The following ZRSR2 variants were observed in gnomAD, a reference collection of about 807,000 sequenced individuals.
The protein encoded by ZRSR2 is U2 small nuclear ribonucleoprotein auxiliary factor 35 kDa subunit-related protein 2.
A neutral mutation model predicts 39.4 loss-of-function variants in ZRSR2; 3 were observed. The ratio of observed to expected loss-of-function variants is 0.08; its 90% CI spans 0.03 to 0.20. The LOEUF (loss-of-function observed/expected upper bound fraction) is 0.20, where lower values mean the gene tolerates loss of function less well. Among genes scored for constraint, ZRSR2 ranks in the 10% least tolerant of loss-of-function variants. The probability of loss-of-function intolerance (pLI) is 1.00; values close to 1 mark genes in which losing one functional copy is unlikely to be tolerated. For missense variants in ZRSR2, 256 were observed against 391.5 expected, an observed-to-expected ratio of 0.65 and a Z score of 2.92; for synonymous variants, 137 against 136.0, an observed-to-expected ratio of 1.01 and a Z score of -0.05.
chrX:15,817,202 G>A (rs112428629), intron 8 of ZRSR2, among the ~76,000 whole-genome samples: 2 of 111,700 alleles, frequency 1.8e-5, no homozygotes, highest in African/African-American at 6.5e-5. Flanking sequence ...CTTGCAACAG[G>A]CTGCACCCAC....
At chrX:15,813,574 G>A (rs775023397) in intron 7 of ZRSR2, among the ~76,000 whole-genome samples, 2 of 112,262 alleles carry the variant, frequency 1.8e-5, no homozygotes, top group South Asian at 7.4e-4. Context: ...CCCCAGACAG[G>A]GACTTTGGTT....
At chrX:15,796,503 G>A (rs1471896582) in intron 2 of ZRSR2, among the ~76,000 whole-genome samples, 3 of 87,717 alleles carry the variant, frequency 3.4e-5, no homozygotes, top group African/African-American at 1.3e-4. Flanking sequence ...TCTTCCTTCT[G>A]TACCTCATTG....
intron 1 of ZRSR2, 54 bp downstream of exon 1, chrX:15,790,590 GGATGTGGT>G: frequency 8.8e-7 from 1 of 1,140,793 alleles, no homozygotes; most frequent in Non-Finnish European, 1.2e-6. Flanking sequence ...TGGGCATGGA[GGATGTGGT>G]GGCAGGAAGA....
intron 10 of ZRSR2, among the ~76,000 whole-genome samples, chrX:15,821,862 A>C (rs763487430): frequency 1.8e-5 from 2 of 111,513 alleles, no homozygotes; most frequent in South Asian, 7.5e-4. Context: ...AGATCTCAAA[A>C]TTGTTCGAAT....
chrX:15,803,441 A>G (rs1007228331), intron 3 of ZRSR2, among the ~76,000 whole-genome samples: 1 of 111,542 alleles, frequency 9.0e-6, no homozygotes, highest in Non-Finnish European at 1.9e-5. Flanking sequence ...TGTCACAGCC[A>G]TATATACCTA....
rs188867560 is a variant in ZRSR2, at chrX:15,803,767, G to A, written c.283G>A (p.Ala95Thr). ...CAGAATAAAGAAGGAAAAGGAAGAG[G>A]CGGCTAAAAAACGGCAAGAAGAACA... The part of the protein sequence containing the change: ...EFRIKKEKEE[A>T]AKKRQEEQER... Residue 95 changes from alanine to threonine, a missense_variant, in exon 4 of 11, where the codon GCG becomes ACG. By Grantham distance (58) the Ala-to-Thr change is moderately conservative (BLOSUM62 0). Transcript: ENST00000307771. The A allele has an allele frequency of 5.3e-4, 631 of 1,193,897 alleles. 4 individuals are homozygous for A. In the East Asian group the frequency reaches 0.016, roughly 31 times the overall value.
chrX:15,820,173 C>T, intron 9 of ZRSR2, 34 bp from the exon 10 acceptor site: 1 of 1,113,139 alleles, frequency 9.0e-7, no homozygotes, highest in Non-Finnish European at 1.2e-6. Context: ...TAGGAAGTTA[C>T]TGTAAAGCAT....
At chrX:15,808,305 C>T (rs1932829731) in intron 6 of ZRSR2, 34 bp downstream of exon 6, 4 of 1,133,394 alleles carry the variant, frequency 3.5e-6, no homozygotes, top group Middle Eastern at 4.8e-4. Flanking sequence ...TAATTTGAGA[C>T]CAATTAATGT....
intron 3 of ZRSR2, among the ~76,000 whole-genome samples, chrX:15,802,103 G>A (rs1932691029): frequency 8.9e-6 from 1 of 111,936 alleles, no homozygotes; most frequent in African/African-American, 3.2e-5. Context: ...GATGCAATGT[G>A]CCAGCCTCTG....
chrX:15,823,135 C>T lies in ZRSR2; in HGVS notation c.1342C>T (p.Arg448Cys), dbSNP rs763087055. 26 of 1,204,086 alleles carry T rather than the reference C, an allele frequency of 2.2e-5. No homozygotes were observed. In the Middle Eastern group the frequency reaches 7.7e-4, roughly 36 times the overall value. Residue 448 changes from arginine to cysteine, a missense_variant, in exon 11 of 11, where the codon CGC (arginine) becomes TGC (cysteine). Around this residue, in one of 3 missense-constraint regions of ZRSR2, gnomAD observed 111 missense variants for 116.7 expected, o/e 0.95. Transcript: ENST00000307771. ...CCGGAGCCGGAGCCGGAGCCGGAGC[C>T]GCAGGAGCCGCCGCAGCCGGAGCCA... ...GSRSRSRSRS[R>C]RSRRSRSQSS...
intron 7 of ZRSR2, among the ~76,000 whole-genome samples, chrX:15,812,181 G>A (rs973993774): frequency 1.8e-5 from 2 of 111,467 alleles, no homozygotes; most frequent in Non-Finnish European, 3.8e-5. Flanking sequence ...CGCCCGCCTC[G>A]GCCTCCCAAA....
Position 15,800,601 on chromosome X carries a change from AG to A in ZRSR2, c.203+649del, listed in dbSNP as rs748459563. Among the ~76,000 whole-genome samples, 700 of 112,564 alleles carry A rather than the reference AG, an allele frequency of 6.2e-3. 6 individuals are homozygous for A. Among genetic ancestry groups the A allele is most frequent in the African/African-American group, 0.021 (661 of 31,016 alleles). ...ATAGCCACTGTTAAGAAAGAGAAAAAGAAAGTGTAAATGTACTTTACGTGTG... is the reference window on the plus strand; with the variant it reads ...ATAGCCACTGTTAAGAAAGAGAAAAAAAAGTGTAAATGTACTTTACGTGTG... On this transcript the variant is annotated intron_variant, in intron 3 of 10. Coordinates refer to ENST00000307771, the MANE Select transcript of ZRSR2 (RefSeq NM_005089.4).
chrX:15,808,981 A>T (rs752053265), intron 6 of ZRSR2, among the ~76,000 whole-genome samples: 11 of 111,769 alleles, frequency 9.8e-5, no homozygotes, highest in Non-Finnish European at 1.7e-4. Context: ...GGCAGTAGTG[A>T]TACCAGATAA....
intron 7 of ZRSR2, among the ~76,000 whole-genome samples, chrX:15,813,639 C>T (rs1260774113): frequency 8.9e-6 from 1 of 112,243 alleles, no homozygotes; most frequent in Non-Finnish European, 1.9e-5. Context: ...GGGCCAAGTT[C>T]ATTCAGATCT....
At position 15,823,104 on chromosome X, in the gene ZRSR2, G is replaced by C. The variant is rs1933160904; in HGVS notation, c.1311G>C (p.Arg437=). 1 of 1,197,402 alleles carries C rather than the reference G, an allele frequency of 8.4e-7. No homozygotes were observed. The change falls in exon 11 of 11, where the codon CGG becomes CGC. Residue 437 remains arginine (R), a synonymous_variant. Coordinates refer to ENST00000307771, the MANE Select transcript of ZRSR2 (RefSeq NM_005089.4). ...RDRSRDRSRG[R]GSRSRSRSRS... ...GCAGCAGGGACCGCAGCCGGGGCCG[G>C]GGCAGCCGGAGCCGGAGCCGGAGCC...
In ZRSR2 at chrX:15,808,284, C is replaced by A. The variant is rs1932829513; in HGVS notation, c.438+13C>A. 6.8e-6 allele frequency: 8 copies of A among 1,181,303 alleles called. No homozygotes were observed. Among genetic ancestry groups the A allele is most frequent in the Non-Finnish European group, 9.1e-6 (8 of 874,810 alleles). On this transcript the variant is annotated intron_variant, in intron 6 of 10. Transcript: ENST00000307771. ...GGCTGAAAATGAGGTATTTTTAAAA[C>A]CTTACATTGATAATTTGAGACCAAT...
chrX:15,806,376 G>A (rs1932780954), intron 5 of ZRSR2, among the ~76,000 whole-genome samples: 1 of 111,180 alleles, frequency 9.0e-6, no homozygotes, highest in African/African-American at 3.3e-5. Flanking sequence ...GGTTTAAGCA[G>A]GGAATGACTC....
In ZRSR2 at chrX:15,822,981, G is replaced by A. The variant is rs765610978; in HGVS notation, c.1188G>A (p.Glu396=). The A allele has an allele frequency of 3.7e-5, 45 of 1,211,148 alleles. No individual in the cohort carries two copies. The Middle Eastern group carries it at 5.5e-3, about 148-fold the overall frequency. The change falls in exon 11 of 11, where the codon GAG becomes GAA. Residue 396 remains glutamate (E), a synonymous_variant. Transcript: ENST00000307771. ...CCTACAAAAGAAATGGGGAATCCGA[G>A]AGGAAAAGTAGTCGTCACAGGGGGA... is the stretch of plus-strand genomic sequence containing the variant. ...DHSYKRNGES[E]RKSSRHRGKK...
chrX:15,816,696 G>C (rs3788925), intron 8 of ZRSR2, among the ~76,000 whole-genome samples: 32,899 of 109,748 alleles, frequency 0.3, 4,059 homozygotes, highest in South Asian at 0.39. Context: ...TGTTAAGGCA[G>C]GGAAATTGTC....
Sources: allele counts gnomAD v4.1 joint callset (sites outside exome capture counted in the v4.1 genomes callset), GRCh38; gene constraint gnomAD v4.1.1; regional missense constraint gnomAD v4.1.1; transcripts MANE v1.5; gene names NCBI Gene and HGNC (gene_info 2026-07-23, HGNC 2026-07-21).